Variants in IL6 observed in about 807,000 individuals in gnomAD.
The protein encoded by IL6 is interleukin-6.
In IL6, 5 loss-of-function variants were observed where a neutral mutation model predicts 18.0. That is an observed-to-expected ratio of 0.28 (90% CI 0.15 to 0.58). The LOEUF is 0.58. IL6 is among the 20% of genes least tolerant of loss of function. The pLI is 0.90. For missense variants in IL6, 266 were observed against 251.0 expected (o/e 1.06, Z -0.40); for synonymous variants, 97 against 95.1 (o/e 1.02, Z -0.12).
At position 22,730,346 on chromosome 7, in the gene IL6, G is replaced by C; in HGVS notation, c.471+686G>C. The C allele has an allele frequency of 3.2e-6, 3 of 949,700 alleles. No individual in the cohort carries two copies. The South Asian group carries it at 1.5e-4, about 46-fold the overall frequency. The allele number at this position is 949,700 out of a possible 1,614,324, so 58.8% of individuals were successfully genotyped here. A position where few individuals can be genotyped will look rare whatever the true frequency, so the allele number is the denominator to read the frequency against. The stretch of plus-strand genomic sequence containing the variant: ...ATGGGAATTCCCTGGGCATCTTCTT[G>C]TGGTGTGGAGTCTGACTTAGCAAGC... On this transcript the variant is annotated intron_variant, in intron 4 of 4. Transcript: ENST00000258743.
chr7:22,728,258 A>G (rs1369798656), intron 2 of IL6, among the ~76,000 whole-genome samples: 1 of 152,140 alleles, frequency 6.6e-6, no homozygotes, highest in African/African-American at 2.4e-5. Context: ...TAAATTCCCT[A>G]CCACCTCTGG....
Position 22,727,433 on chromosome 7 carries a change from C to G in IL6, c.20-11C>G. 1 of 1,613,866 alleles carries G rather than the reference C, an allele frequency of 6.2e-7. No homozygotes were observed. The stretch of plus-strand genomic sequence containing the variant: ...TCAGCTCACCCCTGCGCTCGCTCCC[C>G]TCCGGCACAGGCGCCTTCGGTCCAG... On this transcript the variant is annotated splice_polypyrimidine_tract_variant and intron_variant, in intron 1 of 4. Coordinates refer to ENST00000258743, the MANE Select transcript of IL6 (RefSeq NM_000600.5).
intron 4 of IL6, chr7:22,729,886 A>G (rs961000976): frequency 7.0e-7 from 1 of 1,438,204 alleles, no homozygotes; most frequent in Non-Finnish European, 9.1e-7. Context: ...TAAACTATAT[A>G]TTAACTGAGG....
rs1258945265 is a variant in IL6 at position 22,729,430 on chromosome 7, G to A, written c.325-84G>A. 4 of 1,326,932 alleles carry A rather than the reference G, an allele frequency of 3.0e-6. No homozygotes were observed. The East Asian group carries it at 9.2e-5, about 31-fold the overall frequency. The allele number at this position is 1,326,932 out of a possible 1,614,324, so 82.2% of individuals were successfully genotyped here. A position where few individuals can be genotyped will look rare whatever the true frequency, so the allele number is the denominator to read the frequency against. On this transcript the variant is annotated intron_variant, in intron 3 of 4. Transcript: ENST00000258743. ...GTTCTCTAGAGGAGCAGAGGGAAAA[G>A]ATGTCGAACTGTGGCAATTTTAACT...
chr7:22,730,241 G>A (rs971704307), intron 4 of IL6: 2 of 985,258 alleles, frequency 2.0e-6, no homozygotes, highest in African/African-American at 3.5e-5. Flanking sequence ...CAATAAGAAG[G>A]GGCCTAGAAT....
chr7:22,727,401 T>C (rs376047818), intron 1 of IL6, 43 bp from the exon 2 acceptor site: 1 of 1,613,374 alleles, frequency 6.2e-7, no homozygotes, highest in Non-Finnish European at 8.5e-7. Flanking sequence ...GGCTCCCAGC[T>C]GTGCTGTCAG....
intron 4 of IL6, chr7:22,730,211 C>T: frequency 3.0e-6 from 3 of 985,384 alleles, no homozygotes; most frequent in Non-Finnish European, 3.6e-6. Context: ...TGCTGGCTAG[C>T]ATGTGGAGGA....
rs1784129057 is a variant in IL6 at position 22,731,713 on chromosome 7, T to C, written c.*140T>C. On this transcript the variant is annotated 3_prime_UTR_variant, in exon 5 of 5. Transcript: ENST00000258743. ...AGGACACTATTTTAATTATTTTTAA[T>C]TTATTAATATTTAAATATGTGAAGC... The C allele has an allele frequency of 4.9e-6, 2 of 405,978 alleles. No homozygotes were observed. The highest frequency in any genetic ancestry group is 8.2e-6 in the Non-Finnish European group (2 of 243,952). 25.1% of individuals were successfully genotyped at this position (405,978 alleles called of 1,614,324 possible). A position where few individuals can be genotyped will look rare whatever the true frequency, so the allele number is the denominator to read the frequency against.
At position 22,727,468 on chromosome 7, in the gene IL6, C is replaced by T; in HGVS notation, c.44C>T (p.Ser15Phe). 6.2e-7 allele frequency: 1 copy of T among 1,614,088 alleles called. No individual in the cohort carries two copies. The highest frequency in any genetic ancestry group is 1.3e-5 in the African/African-American group (1 of 75,060). The change falls in exon 2 of 5, where the codon TCC becomes TTC. Residue 15 changes from serine to phenylalanine, a missense_variant. Transcript: ENST00000258743. ...GGCGCCTTCGGTCCAGTTGCCTTCT[C>T]CCTGGGGCTGCTCCTGGTGTTGCCT... The part of the protein sequence containing the change: ...STSAFGPVAF[S>F]LGLLLVLPAA...
intron 3 of IL6, among the ~76,000 whole-genome samples, chr7:22,729,282 T>C (rs1395120827): frequency 6.6e-6 from 1 of 152,196 alleles, no homozygotes; most frequent in Non-Finnish European, 1.5e-5. Flanking sequence ...AGGATCCCCA[T>C]TGCCACATTC....
chr7:22,729,842 C>A, intron 4 of IL6, 182 bp downstream of exon 4: 1 of 1,501,438 alleles, frequency 6.7e-7, no homozygotes, highest in Non-Finnish European at 8.9e-7. Context: ...GGTTGGTTGG[C>A]TCTCTTCTGC....
chr7:22,731,157 G>C (rs1320353858), intron 4 of IL6, among the ~76,000 whole-genome samples: 2 of 151,818 alleles, frequency 1.3e-5, no homozygotes, highest in Non-Finnish European at 2.9e-5. Flanking sequence ...TGAATCACTT[G>C]AACCCAGGAG....
Position 22,727,533 on chromosome 7 carries a change from A to G in IL6, c.109A>G (p.Lys37Glu). ...PAPVPPGEDSKDVAAPHRQPL... is the reference protein window; with the variant it reads ...PAPVPPGEDSEDVAAPHRQPL... ...CCCAGTACCCCCAGGAGAAGATTCC[A>G]AAGATGTAGCCGCCCCACACAGACA... Residue 37 changes from lysine (K) to glutamate (E), a missense_variant, in exon 2 of 5, where the codon AAA (lysine) becomes GAA (glutamate). Transcript: ENST00000258743. 2 of 1,613,598 alleles carry G rather than the reference A, an allele frequency of 1.2e-6. No homozygotes were observed. Among genetic ancestry groups the G allele is most frequent in the South Asian group, 1.1e-5 (1 of 90,978 alleles).
intron 4 of IL6, among the ~76,000 whole-genome samples, chr7:22,730,664 T>C (rs556798892): frequency 6.6e-6 from 1 of 152,284 alleles, no homozygotes; most frequent in Admixed American, 6.5e-5. Context: ...ATACTAAATA[T>C]GAACTATGTG....
At chr7:22,729,951 G>C in intron 4 of IL6, 1 of 1,352,920 alleles carries the variant, frequency 7.4e-7, no homozygotes, top group South Asian at 2.2e-5. Context: ...AAAGGCGGGG[G>C]GGCGGGCAGA....
intron 4 of IL6, among the ~76,000 whole-genome samples, chr7:22,731,095 C>T (rs889090638): frequency 3.9e-5 from 6 of 152,088 alleles, no homozygotes; most frequent in Non-Finnish European, 8.8e-5. Flanking sequence ...AAAAGTTAGC[C>T]AGGCATGGTG....
chr7:22,731,913 T>C lies in IL6; in HGVS notation c.*340T>C, dbSNP rs199889619. 10 of 152,266 alleles carry C rather than the reference T, an allele frequency of 6.6e-5. No individual in the cohort carries two copies. The highest frequency in any genetic ancestry group is 1.3e-4 in the Non-Finnish European group (9 of 68,452). The allele number at this position is 152,266 out of a possible 1,614,324, so 9.4% of individuals were successfully genotyped here. On this transcript the variant is annotated 3_prime_UTR_variant, in exon 5 of 5. Coordinates refer to ENST00000258743, the MANE Select transcript of IL6 (RefSeq NM_000600.5). Reference sequence around the variant, plus strand: ...TTACCTCAAATAAATGGCTAACTTATACATATTTTTAAAGAAATATTTATA... The same window carrying C: ...TTACCTCAAATAAATGGCTAACTTACACATATTTTTAAAGAAATATTTATA...
At chr7:22,727,334 T>G in intron 1 of IL6, 53 bp downstream of exon 1, 1 of 1,613,814 alleles carries the variant, frequency 6.2e-7, no homozygotes, top group East Asian at 2.2e-5. Flanking sequence ...TCGAGCCCTG[T>G]GTGAGGGAGG....
intron 3 of IL6, 100 bp downstream of exon 3, chr7:22,728,906 A>C (rs56048538): frequency 1.4e-6 from 1 of 717,882 alleles, no homozygotes. Context: ...AGCAACAAAA[A>C]GTGGGTAAAT....
Sources: allele counts gnomAD v4.1 joint callset (sites outside exome capture counted in the v4.1 genomes callset), GRCh38; gene constraint gnomAD v4.1.1; transcripts MANE v1.5; gene names NCBI Gene and HGNC (gene_info 2026-07-23, HGNC 2026-07-21).